The following PTPRD variants were observed in gnomAD, a reference collection of about 807,000 sequenced individuals.
PTPRD encodes the protein protein tyrosine phosphatase receptor type D, also known as receptor-type tyrosine-protein phosphatase delta.
In PTPRD, 34 loss-of-function variants were observed where a neutral mutation model predicts 214.5. The observed-to-expected ratio is 0.16, with a 90% confidence interval of 0.12 to 0.21. The LOEUF (loss-of-function observed/expected upper bound fraction) is 0.21, where lower values mean the gene tolerates loss of function less well. PTPRD is among the 10% of genes least tolerant of loss of function. PTPRD has a pLI of 1.00. For synonymous variants in PTPRD, 1,128 were observed against 845.7 expected (o/e 1.33, Z -5.79); for missense variants, 2,545 against 2,398.7 (o/e 1.06, Z -1.27).
At chr9:9,633,688 T>C (rs1202091269) in intron 7 of PTPRD, among the ~76,000 whole-genome samples, 1 of 152,158 alleles carries the variant, frequency 6.6e-6, no homozygotes, top group Non-Finnish European at 1.5e-5. Flanking sequence ...TTGTAGGTTA[T>C]CCCATATATT....
At chr9:9,898,921 G>C (rs922064694) in intron 5 of PTPRD, among the ~76,000 whole-genome samples, 11 of 151,926 alleles carry the variant, frequency 7.2e-5, no homozygotes, top group African/African-American at 2.7e-4. Context: ...GGATTTTCTT[G>C]TTTTCTTTTG....
chr9:8,524,727 T>C, intron 18 of PTPRD, 198 bp downstream of exon 18: 1 of 717,920 alleles, frequency 1.4e-6, no homozygotes, highest in Admixed American at 1.9e-5. Context: ...TCAGGACAGA[T>C]TATACTCAAG....
At chr9:9,197,739 C>A (rs1278710354) in intron 9 of PTPRD, among the ~76,000 whole-genome samples, 1 of 152,162 alleles carries the variant, frequency 6.6e-6, no homozygotes, top group East Asian at 1.9e-4. Flanking sequence ...AGTTAATCTT[C>A]CAGTCTACTC....
intron 2 of PTPRD, among the ~76,000 whole-genome samples, chr9:10,396,148 T>C (rs1191123161): frequency 2.6e-5 from 4 of 151,990 alleles, no homozygotes; most frequent in Non-Finnish European, 5.9e-5. Context: ...CTCACCTTTT[T>C]ATACTCTATG....
At chr9:9,712,162 T>C (rs1198179770) in intron 7 of PTPRD, among the ~76,000 whole-genome samples, 4 of 152,208 alleles carry the variant, frequency 2.6e-5, no homozygotes, top group Non-Finnish European at 4.4e-5. Context: ...AGAGTATCCA[T>C]TAAATTTTTT....
intron 39 of PTPRD, among the ~76,000 whole-genome samples, chr9:8,365,070 C>T (rs1346260639): frequency 6.6e-6 from 1 of 151,994 alleles, no homozygotes; most frequent in Non-Finnish European, 1.5e-5. Flanking sequence ...TTGAGTCCAG[C>T]AGAAGCCTAT....
At chr9:9,372,419 G>C (rs1019308725) in intron 9 of PTPRD, among the ~76,000 whole-genome samples, 1 of 152,148 alleles carries the variant, frequency 6.6e-6, no homozygotes, top group East Asian at 1.9e-4. Flanking sequence ...TGTTTTATCA[G>C]AGACTAGGAT....
chr9:9,682,632 GAC>G (rs2097096181), intron 7 of PTPRD, among the ~76,000 whole-genome samples: 2 of 151,740 alleles, frequency 1.3e-5, no homozygotes, highest in African/African-American at 4.8e-5. Context: ...TGCTTAGGGA[GAC>G]AGACTGTCCA....
chr9:9,711,020 G>A (rs1344924329), intron 7 of PTPRD, among the ~76,000 whole-genome samples: 1 of 152,074 alleles, frequency 6.6e-6, no homozygotes, highest in Non-Finnish European at 1.5e-5. Context: ...GTGTGAATGT[G>A]CCCTACGATG....
At chr9:8,933,340 G>GTTTTTTTTTTTTTTTGTT (rs2098966844) in intron 11 of PTPRD, among the ~76,000 whole-genome samples, 1 of 80,430 alleles carries the variant, frequency 1.2e-5, no homozygotes. Flanking sequence ...CAACCTTGAG[G>GTTTTTTTTTTTTTTTGTT]TTTTTTTTTT....
At chr9:8,493,165 T>C (rs1375049763) in intron 26 of PTPRD, among the ~76,000 whole-genome samples, 186 bp from the exon 27 acceptor site, 3 of 152,194 alleles carry the variant, frequency 2.0e-5, no homozygotes, top group Non-Finnish European at 4.4e-5. Flanking sequence ...CGAAGGGGCA[T>C]CTTCAGGCAT....
At chr9:8,476,841 C>T (rs10977147) in intron 30 of PTPRD, among the ~76,000 whole-genome samples, 6 of 152,128 alleles carry the variant, frequency 3.9e-5, no homozygotes, top group African/African-American at 7.2e-5. Flanking sequence ...AAATATTTGG[C>T]GGTTCTTCTC....
chr9:9,373,893 A>AT (rs1220993506), intron 9 of PTPRD, among the ~76,000 whole-genome samples: 9 of 151,978 alleles, frequency 5.9e-5, no homozygotes, highest in Non-Finnish European at 1.2e-4. Context: ...GTATTTGTTA[A>AT]TTTTTTATAT....
chr9:10,116,836 C>T (rs939283567), intron 3 of PTPRD, among the ~76,000 whole-genome samples: 5 of 152,038 alleles, frequency 3.3e-5, no homozygotes, highest in African/African-American at 9.7e-5. Context: ...TAAGCATACC[C>T]CCAACTGGGA....
At chr9:10,000,394 A>T (rs1337800654) in intron 4 of PTPRD, among the ~76,000 whole-genome samples, 2 of 152,104 alleles carry the variant, frequency 1.3e-5, no homozygotes, top group African/African-American at 2.4e-5. Flanking sequence ...ATCAAACTCA[A>T]AATGGTGCTG....
At chr9:9,417,298 A>G (rs2077277690) in intron 8 of PTPRD, among the ~76,000 whole-genome samples, 1 of 152,270 alleles carries the variant, frequency 6.6e-6, no homozygotes, top group South Asian at 2.1e-4. Flanking sequence ...AAATAAATTC[A>G]GATTGATATA....
At chr9:10,052,823 C>T (rs2097558457) in intron 3 of PTPRD, among the ~76,000 whole-genome samples, 1 of 152,058 alleles carries the variant, frequency 6.6e-6, no homozygotes, top group South Asian at 2.1e-4. Context: ...TTCTTTTTAC[C>T]TTTCCCTCTC....
Position 8,715,131 on chromosome 9 carries a change from T to C in PTPRD, c.64+18649A>G, listed in dbSNP as rs529903166. ...AAAATGTGAATGCACAAAAGATCTATGAAAAAAAAAAATAGCTGCTGTAAA... is the reference window on the plus strand; with the variant it reads ...AAAATGTGAATGCACAAAAGATCTACGAAAAAAAAAAATAGCTGCTGTAAA... On this transcript the variant is annotated intron_variant, in intron 12 of 45. Transcript: ENST00000381196. Among the ~76,000 whole-genome samples, 4 of 150,046 alleles carry C rather than the reference T, an allele frequency of 2.7e-5. No individual in the cohort carries two copies. The South Asian group carries it at 6.3e-4, about 24-fold the overall frequency.
At chr9:8,648,646 A>T (rs2096744119) in intron 12 of PTPRD, among the ~76,000 whole-genome samples, 1 of 152,248 alleles carries the variant, frequency 6.6e-6, no homozygotes, top group African/African-American at 2.4e-5. Context: ...AGAGTGATAA[A>T]AGGCCCTTAT....
Sources: allele counts gnomAD v4.1 joint callset (sites outside exome capture counted in the v4.1 genomes callset), GRCh38; gene constraint gnomAD v4.1.1; transcripts MANE v1.5; gene names NCBI Gene and HGNC (gene_info 2026-07-23, HGNC 2026-07-21).